CLEC16A: variants seen among roughly 807,000 people sequenced by gnomAD.
CLEC16A encodes the protein C-type lectin domain containing 16A, also known as protein CLEC16A.
Under a neutral mutation model 109.5 loss-of-function variants are expected in CLEC16A, and 51 were observed. The observed-to-expected ratio is 0.47, with a 90% CI of 0.37 to 0.59. The LOEUF (loss-of-function observed/expected upper bound fraction) is 0.59. CLEC16A is among the 20% of genes least tolerant of loss of function. CLEC16A has a pLI of 0.00. For synonymous variants in CLEC16A, 673 were observed against 564.2 expected (o/e 1.19, Z -2.73); for missense variants, 1,339 against 1,394.0 (o/e 0.96, Z 0.63).
At chr16:11,130,337 G>T (rs2053120144) in intron 22 of CLEC16A, among the ~76,000 whole-genome samples, 1 of 152,146 alleles carries the variant, frequency 6.6e-6, no homozygotes, top group East Asian at 1.9e-4. Context: ...GTCCCTCTGG[G>T]GCCCTAGATA....
intron 10 of CLEC16A, among the ~76,000 whole-genome samples, chr16:10,992,693 A>G (rs947404876): frequency 6.6e-6 from 1 of 151,706 alleles, no homozygotes; most frequent in Non-Finnish European, 1.5e-5. Context: ...ACCCTTGTGC[A>G]CTCCCTGCCT....
In CLEC16A at chr16:10,954,079, G is replaced by A. The variant is rs36030173; in HGVS notation, c.81-3703G>A. On this transcript the variant is annotated intron_variant, in intron 1 of 23. Transcript: ENST00000409790. The surrounding 1 kb of genome is among the most constrained non-coding windows in gnomAD (Gnocchi z 4.2). ...GAACAGGCACCCGGTTTCACTACTGGAAGAAAGCCCCCACGCAATATCACT... is the reference window on the plus strand; with the variant it reads ...GAACAGGCACCCGGTTTCACTACTGAAAGAAAGCCCCCACGCAATATCACT... Among the ~76,000 whole-genome samples the A allele has an allele frequency of 0.17, 25,636 of 152,174 alleles. 2,682 individuals carry two copies. Among genetic ancestry groups the A allele is most frequent in the Middle Eastern group, 0.23 (68 of 294 alleles).
intron 10 of CLEC16A, among the ~76,000 whole-genome samples, chr16:10,986,011 A>ATTTT (rs1351241912): frequency 1.2e-5 from 1 of 82,730 alleles, no homozygotes; most frequent in African/African-American, 5.9e-5. Context: ...TGGCCTGCAG[A>ATTTT]ATTTTTTTTT....
chr16:11,021,480 A>G (rs8052731), intron 12 of CLEC16A, among the ~76,000 whole-genome samples: 5,843 of 152,316 alleles, frequency 0.038, 410 homozygotes, highest in African/African-American at 0.13. Context: ...GATGTTGCTT[A>G]AGCAAAGGAA....
rs555596086 is a variant in CLEC16A, at chr16:11,120,813, C to CAG, written c.2268+48_2268+49insGA. ...GGATCTGTTCTCAGTTGGCTACAAA[C>CAG]ACACACACACACACACACACACACA... On this transcript the variant is annotated intron_variant, in intron 20 of 23. Coordinates refer to ENST00000409790, the MANE Select transcript of CLEC16A (RefSeq NM_015226.3). 3 of 314,590 alleles carry CAG rather than the reference C, an allele frequency of 9.5e-6. No homozygotes were observed. The African/African-American group carries it at 2.5e-4, about 26-fold the overall frequency. The allele number at this position is 314,590 out of a possible 1,614,324, so 19.5% of individuals were successfully genotyped here.
chr16:11,146,288 C>T (rs893333477), intron 22 of CLEC16A, among the ~76,000 whole-genome samples: 2 of 152,184 alleles, frequency 1.3e-5, no homozygotes, highest in African/African-American at 4.8e-5. Context: ...TGTCCCATCC[C>T]ATTATCAAAC....
At chr16:11,146,319 G>A (rs2054055393) in intron 22 of CLEC16A, among the ~76,000 whole-genome samples, 1 of 152,150 alleles carries the variant, frequency 6.6e-6, no homozygotes, top group African/African-American at 2.4e-5. Context: ...AGGAAAACAG[G>A]CACTGTGTTT....
Position 11,039,879 on chromosome 16 carries a change from GC to G in CLEC16A, c.1660+6del, listed in dbSNP as rs753141233. 4 of 1,611,720 alleles carry G rather than the reference GC, an allele frequency of 2.5e-6. No individual in the cohort carries two copies. In the South Asian group the frequency reaches 4.4e-5, roughly 18 times the overall value. On this transcript the variant is annotated splice_donor_region_variant and intron_variant, in intron 14 of 23. Coordinates refer to ENST00000409790, the MANE Select transcript of CLEC16A (RefSeq NM_015226.3). ...CATGAACAACGCTGCCCAGCCAGGT[GC>G]CCACTTGGGGTGTTGTCTGTCCACA...
At chr16:11,014,082 C>T (rs2045598431) in intron 11 of CLEC16A, among the ~76,000 whole-genome samples, 1 of 152,176 alleles carries the variant, frequency 6.6e-6, no homozygotes, top group Non-Finnish European at 1.5e-5. Flanking sequence ...TCCTTCCTCC[C>T]TTCCACTTAA....
chr16:11,026,742 C>G (rs888940395), intron 13 of CLEC16A, among the ~76,000 whole-genome samples: 1 of 149,384 alleles, frequency 6.7e-6, no homozygotes, highest in Non-Finnish European at 1.5e-5. Context: ...GTGGGAAGCA[C>G]TTTATTGTCC....
At chr16:11,057,427 C>T (rs555844481) in intron 18 of CLEC16A, among the ~76,000 whole-genome samples, 9 of 152,338 alleles carry the variant, frequency 5.9e-5, no homozygotes, top group African/African-American at 1.7e-4. Flanking sequence ...GGCTTGGGCA[C>T]GTCACGTGAT....
chr16:11,094,657 C>G (rs2050502082), intron 19 of CLEC16A, among the ~76,000 whole-genome samples: 1 of 152,174 alleles, frequency 6.6e-6, no homozygotes. Context: ...CCCTTTTTTC[C>G]TGTGGGGCCC....
intron 20 of CLEC16A, among the ~76,000 whole-genome samples, chr16:11,122,605 A>G (rs2052506455): frequency 6.6e-6 from 1 of 152,204 alleles, no homozygotes; most frequent in African/African-American, 2.4e-5. Flanking sequence ...GTTATCTCCA[A>G]AGAGCCTGTG....
At chr16:10,986,522 A>G (rs2043666266) in intron 10 of CLEC16A, among the ~76,000 whole-genome samples, 1 of 152,160 alleles carries the variant, frequency 6.6e-6, no homozygotes, top group Non-Finnish European at 1.5e-5. Context: ...CATGACTGAT[A>G]CTTCATACCC....
intron 19 of CLEC16A, among the ~76,000 whole-genome samples, chr16:11,086,666 C>A (rs948412950): frequency 6.6e-6 from 1 of 152,168 alleles, no homozygotes; most frequent in South Asian, 2.1e-4. Context: ...CCTCAGCCTC[C>A]CAAGTGGCTG....
At chr16:11,063,682 A>C (rs1050560468) in intron 19 of CLEC16A, among the ~76,000 whole-genome samples, 3 of 152,164 alleles carry the variant, frequency 2.0e-5, no homozygotes, top group Non-Finnish European at 2.9e-5. Context: ...CTTGCTGACC[A>C]GCAGCAGGTC....
chr16:11,065,317 G>A (rs1300339273), intron 19 of CLEC16A, among the ~76,000 whole-genome samples: 1 of 152,190 alleles, frequency 6.6e-6, no homozygotes, highest in Non-Finnish European at 1.5e-5. Context: ...TGTGTTCAGT[G>A]TCCAGTTTCC....
At chr16:10,999,488 T>C (rs1183528926) in intron 10 of CLEC16A, among the ~76,000 whole-genome samples, 1 of 152,232 alleles carries the variant, frequency 6.6e-6, no homozygotes. Context: ...ATCCTGGTGC[T>C]GAGTCTGCAT....
In CLEC16A at chr16:10,977,228, T is replaced by G; in HGVS notation, c.732T>G (p.His244Gln). 6.2e-7 allele frequency: 1 copy of G among 1,613,428 alleles called. No homozygotes were observed. Among genetic ancestry groups the G allele is most frequent in the Non-Finnish European group, 8.5e-7 (1 of 1,179,626 alleles). ...AGGTGGTCATTTCTCCTGGCAGGCA[T>G]CGGAATCGGGGTAAACTGAGTGATC... Reference protein sequence around the residue: ...LDDCVQTDEEHRNRGKLSDLV... With the variant: ...LDDCVQTDEEQRNRGKLSDLV... Residue 244 changes from histidine to glutamine, a missense_variant, in exon 8 of 24, where the codon CAT (histidine) becomes CAG (glutamine). This residue lies in a region of CLEC16A where 161 missense variants were observed against 267.1 expected (regional missense o/e 0.60). Coordinates refer to ENST00000409790, the MANE Select transcript of CLEC16A (RefSeq NM_015226.3).
Sources: gnomAD v4.1 joint callset for allele counts (sites outside exome capture counted in the v4.1 genomes callset) on GRCh38, gnomAD v4.1.1 for gene constraint, gnomAD v4.1.1 regional missense constraint, Gnocchi (gnomAD v3.1) non-coding constraint, MANE v1.5 for transcripts, NCBI Gene and HGNC (gene_info 2026-07-23, HGNC 2026-07-21) for gene names.